The following ARPP21 variants were observed in gnomAD, a reference collection of about 807,000 sequenced individuals.
The protein encoded by ARPP21 is cAMP-regulated phosphoprotein 21.
ARPP21 carries 69 observed loss-of-function variants against 113.2 expected under a neutral mutation model. The observed-to-expected ratio is 0.61, with a 90% confidence interval of 0.50 to 0.74. ARPP21 has a LOEUF of 0.74. Among genes scored for constraint, ARPP21 ranks in the 30% least tolerant of loss-of-function variants. The probability of loss-of-function intolerance (pLI) is 0.00; values close to 1 mark genes in which losing one functional copy is unlikely to be tolerated. For missense variants in ARPP21, 1,070 were observed against 1,037.4 expected, an observed-to-expected ratio of 1.03 and a Z score of -0.43; for synonymous variants, 368 against 375.5, an observed-to-expected ratio of 0.98 and a Z score of 0.23.
At chr3:35,692,146 A>G (rs921534573) in intron 9 of ARPP21, among the ~76,000 whole-genome samples, 1 of 151,642 alleles carries the variant, frequency 6.6e-6, no homozygotes, top group Non-Finnish European at 1.5e-5. Context: ...TTACTTATAT[A>G]TCTGCAGGAT....
intron 14 of ARPP21, among the ~76,000 whole-genome samples, chr3:35,728,745 G>A (rs2150455806): frequency 6.6e-6 from 1 of 152,172 alleles, no homozygotes; most frequent in Admixed American, 6.5e-5. Context: ...TATACACTAT[G>A]ATCCCAGGTC....
intron 19 of ARPP21, chr3:35,792,144 A>G (rs1468398154): frequency 4.3e-6 from 2 of 462,502 alleles, no homozygotes; most frequent in Non-Finnish European, 7.8e-6. Flanking sequence ...CATGTATTCA[A>G]TAGACCATTC....
chr3:35,643,382 AGTTACT>A (rs1698896759), intron 1 of ARPP21, among the ~76,000 whole-genome samples: 1 of 152,068 alleles, frequency 6.6e-6, no homozygotes, highest in African/African-American at 2.4e-5. Flanking sequence ...CATCACAATG[AGTTACT>A]GTGATTTTTT....
At chr3:35,688,733 G>A (rs547228727) in intron 6 of ARPP21, among the ~76,000 whole-genome samples, 16 of 151,706 alleles carry the variant, frequency 1.1e-4, no homozygotes, top group Non-Finnish European at 1.9e-4. Flanking sequence ...AATCCAAGGT[G>A]TATATGACAG....
intron 19 of ARPP21, among the ~76,000 whole-genome samples, chr3:35,775,389 A>G (rs1478912910): frequency 6.6e-6 from 1 of 152,212 alleles, no homozygotes; most frequent in African/African-American, 2.4e-5. Context: ...ATGTATATGC[A>G]TATGCATACA....
intron 19 of ARPP21, among the ~76,000 whole-genome samples, chr3:35,771,213 C>T (rs112530741): frequency 6.6e-6 from 1 of 152,288 alleles, no homozygotes; most frequent in Non-Finnish European, 1.5e-5. Flanking sequence ...TCTTTGCAGG[C>T]TGGCGTTTCC....
At chr3:35,754,222 C>T (rs917887798) in intron 19 of ARPP21, among the ~76,000 whole-genome samples, 1 of 151,888 alleles carries the variant, frequency 6.6e-6, no homozygotes, top group African/African-American at 2.4e-5. Flanking sequence ...TAATAAGTTA[C>T]ATACATTTTA....
chr3:35,689,241 G>A (rs757510229), intron 6 of ARPP21, 66 bp from the exon 7 acceptor site: 2 of 800,950 alleles, frequency 2.5e-6, no homozygotes, highest in Admixed American at 3.5e-5. Context: ...GATAGGTTGG[G>A]GAAACCTTTT....
chr3:35,757,069 A>ATTTTTT (rs142766845), intron 19 of ARPP21, among the ~76,000 whole-genome samples: 1 of 137,048 alleles, frequency 7.3e-6, no homozygotes, highest in Non-Finnish European at 1.6e-5. Context: ...CCTTTTAGTG[A>ATTTTTT]TTTTTTTTTT....
chr3:35,656,323 T>C (rs1002130475), intron 1 of ARPP21, among the ~76,000 whole-genome samples: 7 of 151,986 alleles, frequency 4.6e-5, no homozygotes, highest in African/African-American at 1.7e-4. Flanking sequence ...AAAATAAAAA[T>C]TGGTGAGCAT....
chr3:35,703,870 C>T (rs548694831), intron 9 of ARPP21, among the ~76,000 whole-genome samples: 1 of 151,832 alleles, frequency 6.6e-6, no homozygotes, highest in African/African-American at 2.4e-5. Context: ...AATATTGCTA[C>T]GGTGGTAAAT....
intron 19 of ARPP21, among the ~76,000 whole-genome samples, chr3:35,748,175 A>AAAAG (rs202024890): frequency 1.2e-3 from 159 of 132,272 alleles, no homozygotes; most frequent in Admixed American, 2.8e-3. Context: ...AACAGAAAAG[A>AAAAG]AAAGAAAGAA....
At chr3:35,735,707 A>G (rs1295219654) in intron 15 of ARPP21, among the ~76,000 whole-genome samples, 1 of 152,178 alleles carries the variant, frequency 6.6e-6, no homozygotes, top group Non-Finnish European at 1.5e-5. Context: ...ATTCTCTCTA[A>G]GTATTTTGCT....
At chr3:35,724,007 A>G (rs2093338684) in intron 14 of ARPP21, among the ~76,000 whole-genome samples, 1 of 152,212 alleles carries the variant, frequency 6.6e-6, no homozygotes, top group Non-Finnish European at 1.5e-5. Context: ...CTAATTGTTC[A>G]CAGTGGAATT....
intron 13 of ARPP21, among the ~76,000 whole-genome samples, chr3:35,719,513 G>A (rs993279233): frequency 1.3e-5 from 2 of 152,122 alleles, no homozygotes; most frequent in Non-Finnish European, 2.9e-5. Context: ...GCTCTACCAG[G>A]GAGAAGGGTG....
chr3:35,744,572 G>C (rs1039319242), intron 19 of ARPP21: 1 of 516,062 alleles, frequency 1.9e-6, no homozygotes, highest in African/African-American at 2.0e-5. Flanking sequence ...ACTCCTAATG[G>C]AATGCCGTTA....
chr3:35,756,554 G>A (rs983533139), intron 19 of ARPP21, among the ~76,000 whole-genome samples: 2 of 151,804 alleles, frequency 1.3e-5, no homozygotes, highest in South Asian at 4.1e-4. Context: ...AGTTTTGATG[G>A]CTCTTCAGTG....
chr3:35,667,691 G>T (rs1282419930), intron 1 of ARPP21, among the ~76,000 whole-genome samples: 1 of 151,832 alleles, frequency 6.6e-6, no homozygotes, highest in Non-Finnish European at 1.5e-5. Context: ...TAATTAAAAG[G>T]AAATGTAATC....
intron 1 of ARPP21, among the ~76,000 whole-genome samples, chr3:35,647,825 C>T (rs1700824149): frequency 6.6e-6 from 1 of 152,144 alleles, no homozygotes; most frequent in Non-Finnish European, 1.5e-5. Flanking sequence ...GTGACTTTGG[C>T]AACTTAGTTA....
Sources: allele counts gnomAD v4.1 joint callset (sites outside exome capture counted in the v4.1 genomes callset), GRCh38; gene constraint gnomAD v4.1.1; transcripts MANE v1.5; gene names NCBI Gene and HGNC (gene_info 2026-07-23, HGNC 2026-07-21).